ARL16: variants seen among roughly 807,000 people sequenced by gnomAD.
The protein encoded by ARL16 is ARF like GTPase 16.
ARL16 carries 21 observed loss-of-function variants against 14.1 expected under a neutral mutation model. The ratio of observed to expected loss-of-function variants is 1.48; its 90% CI spans 1.05 to 2.14. The LOEUF (loss-of-function observed/expected upper bound fraction) is 2.14. Among genes scored for constraint, ARL16 ranks in the 30% most tolerant of loss-of-function variants. ARL16 has a pLI of 0.00. For synonymous variants in ARL16, 122 were observed against 91.8 expected (o/e 1.33, Z -1.88); for missense variants, 248 against 222.0 (o/e 1.12, Z -0.74).
chr17:81,683,002 T>C lies in ARL16; in HGVS notation c.234+11A>G. On this transcript the variant is annotated intron_variant, in intron 3 of 4. Transcript: ENST00000622299. Reference sequence around the variant, plus strand: ...TTCCCTAAAGGAAGCCCATATAGGATTACAACCCACCAGGAGAGAACGGCA... The same window carrying C: ...TTCCCTAAAGGAAGCCCATATAGGACTACAACCCACCAGGAGAGAACGGCA... 6.2e-7 allele frequency: 1 copy of C among 1,608,766 alleles called. No homozygotes were observed. The highest frequency in any genetic ancestry group is 8.5e-7 in the Non-Finnish European group (1 of 1,177,198).
In ARL16 at chr17:81,683,057, C is replaced by G. The variant is rs760012078; in HGVS notation, c.190G>C (p.Gly64Arg). 3.7e-6 allele frequency: 6 copies of G among 1,613,566 alleles called. No homozygotes were observed. Among genetic ancestry groups the G allele is most frequent in the Non-Finnish European group, 5.1e-6 (6 of 1,179,826 alleles). Residue 64 changes from glycine (G) to arginine (R), a missense_variant, in exon 3 of 5, where the codon GGC (glycine) becomes CGC (arginine). Gly to Arg is a moderately radical substitution (Grantham distance 125). Transcript: ENST00000622299. Reference sequence around the variant, plus strand: ...CCATAGTAACTGGACCAGATGGGGCCCATGCACCCCCCAAGCTCCCGGATG... The same window carrying G: ...CCATAGTAACTGGACCAGATGGGGCGCATGCACCCCCCAAGCTCCCGGATG... ...ITIRELGGCM[G>R]PIWSSYYGNC...
At chr17:81,682,760 T>C (rs1379285123) in intron 3 of ARL16, 37 of 539,564 alleles carry the variant, frequency 6.9e-5, no homozygotes, top group Non-Finnish European at 9.9e-6. Flanking sequence ...GGGCCAAGTC[T>C]GTTCTCTGCG....
At chr17:81,682,706 T>C in intron 3 of ARL16, 1 of 397,230 alleles carries the variant, frequency 2.5e-6, no homozygotes, top group East Asian at 5.2e-5. Context: ...CAGAGGTACG[T>C]ATAAGTCCAA....
chr17:81,681,692 C>G lies in ARL16; in HGVS notation c.*16G>C. The G allele has an allele frequency of 6.3e-7, 1 of 1,583,584 alleles. No individual in the cohort carries two copies. Among genetic ancestry groups the G allele is most frequent in the Non-Finnish European group, 8.6e-7 (1 of 1,166,300 alleles). On this transcript the variant is annotated 3_prime_UTR_variant, in exon 5 of 5. Coordinates refer to ENST00000622299, the MANE Select transcript of ARL16 (RefSeq NM_001040025.3). ...ACCTCTCCCCAGCTCAGGCCAGCTGCGCCTCTGCCGTGCAGTCAATCGTTG... is the reference window on the plus strand; with the variant it reads ...ACCTCTCCCCAGCTCAGGCCAGCTGGGCCTCTGCCGTGCAGTCAATCGTTG...
chr17:81,683,439 C>A, intron 2 of ARL16, 97 bp downstream of exon 2: 1 of 1,395,162 alleles, frequency 7.2e-7, no homozygotes, highest in Non-Finnish European at 9.5e-7. Flanking sequence ...CACGACCTGA[C>A]CCGCTGCGCC....
rs763124555 is a variant in ARL16 at position 81,683,777 on chromosome 17, C to T, written c.-24G>A. On this transcript the variant is annotated 5_prime_UTR_variant, in exon 1 of 5. The change creates a new upstream start codon in the 5' untranslated region. Coordinates refer to ENST00000622299, the MANE Select transcript of ARL16 (RefSeq NM_001040025.3). ...ATTCCGTGCTTCGCTCCACCCGGCACCCGTAGCTCGGCGCCGCGGCTCAAG... is the reference window on the plus strand; with the variant it reads ...ATTCCGTGCTTCGCTCCACCCGGCATCCGTAGCTCGGCGCCGCGGCTCAAG... 1.4e-5 allele frequency: 22 copies of T among 1,606,650 alleles called. No homozygotes were observed. The highest frequency in any genetic ancestry group is 4.4e-5 in the South Asian group (4 of 91,022).
Position 81,682,533 on chromosome 17 carries a change from C to T in ARL16, c.235-384G>A, listed in dbSNP as rs535770441. ...CTGGGATTACAGGAGTAAGCCACCG[C>T]GCCCGGCCCAAAGTAGCTTTAAACA... is the stretch of plus-strand genomic sequence containing the variant. On this transcript the variant is annotated intron_variant, in intron 3 of 4. Coordinates refer to ENST00000622299, the MANE Select transcript of ARL16 (RefSeq NM_001040025.3). The T allele has an allele frequency of 1.5e-4, 20 of 137,346 alleles. 2 individuals carry two copies. The South Asian group carries it at 2.5e-3, about 17-fold the overall frequency. The allele number at this position is 137,346 out of a possible 1,614,324, so 8.5% of individuals were successfully genotyped here.
At position 81,683,060 on chromosome 17, in the gene ARL16, T is replaced by G. The variant is rs981454748; in HGVS notation, c.187A>C (p.Met63Leu). The G allele has an allele frequency of 4.3e-6, 7 of 1,613,550 alleles. No homozygotes were observed. The highest frequency in any genetic ancestry group is 5.9e-6 in the Non-Finnish European group (7 of 1,179,820). Residue 63 changes from methionine to leucine, a missense_variant, in exon 3 of 5, where the codon ATG (methionine) becomes CTG (leucine). Met to Leu is a conservative substitution (Grantham distance 15, BLOSUM62 2). Transcript: ENST00000622299. ...TAGTAACTGGACCAGATGGGGCCCA[T>G]GCACCCCCCAAGCTCCCGGATGGTG... ...KITIRELGGC[M>L]GPIWSSYYGN...
chr17:81,683,320 G>A (rs1358450146), intron 2 of ARL16, 194 bp from the exon 3 acceptor site: 2 of 818,596 alleles, frequency 2.4e-6, no homozygotes, highest in Non-Finnish European at 3.7e-6. Flanking sequence ...GCCACAGGAA[G>A]CCGTTGCGAG....
At chr17:81,683,242 C>T (rs2036892564) in intron 2 of ARL16, 116 bp from the exon 3 acceptor site, 1 of 1,031,572 alleles carries the variant, frequency 9.7e-7, no homozygotes. Context: ...GACCCATTCT[C>T]CCTAACGCAG....
At position 81,682,044 on chromosome 17, in the gene ARL16, A is replaced by G. The variant is rs1330907757; in HGVS notation, c.340T>C (p.Phe114Leu). The G allele has an allele frequency of 3.1e-6, 5 of 1,609,622 alleles. No individual in the cohort carries two copies. The East Asian group carries it at 1.1e-4, about 36-fold the overall frequency. The change falls in exon 4 of 5, where the codon TTC (phenylalanine) becomes CTC (leucine). Residue 114 changes from phenylalanine to leucine, a missense_variant. Coordinates refer to ENST00000622299, the MANE Select transcript of ARL16 (RefSeq NM_001040025.3). ...QLAEASVLIL[F>L]NKIDLPCYMS... ...CTCAGGGACGCGTACATTTTATTGA[A>G]GAGTATCAGCACCGATGCTTCTGCA...
At chr17:81,683,354 G>A (rs1392492504) in intron 2 of ARL16, 182 bp downstream of exon 2, 2 of 924,380 alleles carry the variant, frequency 2.2e-6, no homozygotes, top group Non-Finnish European at 3.1e-6. Context: ...CCCGTGGAGG[G>A]CGGCAGGCCC....
chr17:81,683,597 G>A lies in ARL16; in HGVS notation c.62-3C>T. 1 of 1,602,296 alleles carries A rather than the reference G, an allele frequency of 6.2e-7. No homozygotes were observed. The highest frequency in any genetic ancestry group is 8.5e-7 in the Non-Finnish European group (1 of 1,176,208). The stretch of plus-strand genomic sequence containing the variant: ...TTTCCCATCCCGGGAGCTCACCTGT[G>A]CGAAGCGGTCAAGGACCCGAGCAGC... On this transcript the variant is annotated splice_region_variant and splice_polypyrimidine_tract_variant and intron_variant, in intron 1 of 4. Transcript: ENST00000622299.
rs993743261 is a variant in ARL16 at position 81,682,390 on chromosome 17, C to T, written c.235-241G>A. ...CCCAAGTAACTGGGACTACAGACAC[C>T]CGCCACCACGCCTGGCTAATTTTTT... is the stretch of plus-strand genomic sequence containing the variant. On this transcript the variant is annotated intron_variant, in intron 3 of 4. Transcript: ENST00000622299. 6.3e-5 allele frequency: 21 copies of T among 331,132 alleles called. 2 individuals carry two copies. Among genetic ancestry groups the T allele is most frequent in the South Asian group, 8.6e-5 (2 of 23,348 alleles). The allele number at this position is 331,132 out of a possible 1,614,324, so 20.5% of individuals were successfully genotyped here. A position where few individuals can be genotyped will look rare whatever the true frequency, so the allele number is the denominator to read the frequency against.
At position 81,683,558 on chromosome 17, in the gene ARL16, TC is replaced by T; in HGVS notation, c.97del (p.Glu33SerfsTer48). Reference protein sequence around the residue: ...SSRDGKGDLGEPPPTRPTVGT... With the variant: ...SSRDGKGDLGXPPPTRPTVGT... ...TACCGTGGGCCGTGTCGGGGGCGGCTCCCCCAGGTCGCCTTTCCCATCCCGG... is the reference window on the plus strand; with the variant it reads ...TACCGTGGGCCGTGTCGGGGGCGGCTCCCCAGGTCGCCTTTCCCATCCCGG... On this transcript the variant is annotated frameshift_variant, in exon 2 of 5. Coordinates refer to ENST00000622299, the MANE Select transcript of ARL16 (RefSeq NM_001040025.3). LOFTEE classifies it high-confidence loss of function. 2 of 1,598,362 alleles carry T rather than the reference TC, an allele frequency of 1.3e-6. No individual in the cohort carries two copies. The highest frequency in any genetic ancestry group is 1.7e-6 in the Non-Finnish European group (2 of 1,174,362).
At chr17:81,683,234 C>A in intron 2 of ARL16, 108 bp from the exon 3 acceptor site, 1 of 1,062,840 alleles carries the variant, frequency 9.4e-7, no homozygotes. Flanking sequence ...ACCCCGCAGA[C>A]CCATTCTCCC....
chr17:81,683,543 C>T lies in ARL16; in HGVS notation c.113G>A (p.Arg38Gln). Residue 38 changes from arginine to glutamine, a missense_variant, in exon 2 of 5, where the codon CGG becomes CAG. Coordinates refer to ENST00000622299, the MANE Select transcript of ARL16 (RefSeq NM_001040025.3). ...GCGGGGGCGGACACCTACCGTGGGC[C>T]GTGTCGGGGGCGGCTCCCCCAGGTC... ...KGDLGEPPPT[R>Q]PTVGTNLTDI... 6.3e-7 allele frequency: 1 copy of T among 1,595,120 alleles called. No individual in the cohort carries two copies.
At chr17:81,682,989 A>G in intron 3 of ARL16, 24 bp downstream of exon 3, 1 of 1,582,472 alleles carries the variant, frequency 6.3e-7, no homozygotes, top group Non-Finnish European at 8.7e-7. Flanking sequence ...CCCTAAAGGA[A>G]GCCCATATAG....
chr17:81,682,154 GGAAAAA>G lies in ARL16; in HGVS notation c.235-11_235-6del. ...GTCAGAGGCGTCCATCACAAACTGG[GGAAAAA>G]GAAAAAGACAGCAGCAATGCCCCGC... On this transcript the variant is annotated splice_region_variant and splice_polypyrimidine_tract_variant and intron_variant, in intron 3 of 4. Coordinates refer to ENST00000622299, the MANE Select transcript of ARL16 (RefSeq NM_001040025.3). The G allele has an allele frequency of 1.3e-6, 2 of 1,590,732 alleles. No homozygotes were observed. The highest frequency in any genetic ancestry group is 1.7e-6 in the Non-Finnish European group (2 of 1,168,712).
Sources: allele counts gnomAD v4.1 joint callset, GRCh38; gene constraint gnomAD v4.1.1; transcripts MANE v1.5; gene names NCBI Gene and HGNC (gene_info 2026-07-23, HGNC 2026-07-21).